Variants in CNTNAP3 observed in about 807,000 individuals in gnomAD.
The protein encoded by CNTNAP3 is contactin-associated protein-like 3.
A neutral mutation model predicts 92.1 loss-of-function variants in CNTNAP3; 36 were observed. The ratio of observed to expected loss-of-function variants is 0.39; its 90% CI spans 0.30 to 0.52. The LOEUF (loss-of-function observed/expected upper bound fraction) is 0.52, where lower values mean the gene tolerates loss of function less well. CNTNAP3 is among the 20% of genes least tolerant of loss of function. The pLI is 0.76. For missense variants in CNTNAP3, 534 were observed against 1,069.6 expected, an observed-to-expected ratio of 0.50 and a Z score of 6.98; for synonymous variants, 232 against 422.3, an observed-to-expected ratio of 0.55 and a Z score of 5.53.
In CNTNAP3 at chr9:39,144,228, C is replaced by A. The variant is rs1692973; in HGVS notation, c.1756+12G>T. The A allele has an allele frequency of 1.1e-3, 1,696 of 1,589,504 alleles. 29 individuals are homozygous for A. The East Asian group carries it at 0.018, about 17-fold the overall frequency. On this transcript the variant is annotated intron_variant, in intron 11 of 23. Transcript: ENST00000297668. ...GATGCTGACAGAAACGAGAGGGAGG[C>A]GTGAGGCTTACAGGAATGGCAGGTC...
intron 13 of CNTNAP3, among the ~76,000 whole-genome samples, chr9:39,125,567 C>A (rs919262603): frequency 2.6e-5 from 4 of 152,042 alleles, no homozygotes; most frequent in African/African-American, 9.7e-5. Context: ...ACCCATGATC[C>A]ACCTACATGT....
chr9:39,141,744 G>A (rs1022448433), intron 11 of CNTNAP3, among the ~76,000 whole-genome samples: 1 of 151,924 alleles, frequency 6.6e-6, no homozygotes, highest in Non-Finnish European at 1.5e-5. Context: ...TTAAATATAG[G>A]GCACAGACTA....
intron 12 of CNTNAP3, among the ~76,000 whole-genome samples, chr9:39,136,163 TAAA>T (rs1369396098): frequency 6.4e-5 from 9 of 141,420 alleles, no homozygotes; most frequent in African/African-American, 2.3e-4. Flanking sequence ...ATAATAATAA[TAAA>T]AATAATAGTT....
Position 39,085,984 on chromosome 9 carries a change from A to G in CNTNAP3, c.3355-161T>C, listed in dbSNP as rs3011117. On this transcript the variant is annotated intron_variant, in intron 20 of 23. Transcript: ENST00000297668. The stretch of plus-strand genomic sequence containing the variant: ...TTCAAATAATTAATCATTTAGAAAG[A>G]GAAGCTATTTTATAAGCAATTCCTA... 4.8e-3 allele frequency: 3,544 copies of G among 744,654 alleles called. 104 individuals carry two copies. In the African/African-American group the frequency reaches 0.056, roughly 12 times the overall value. 46.1% of individuals were successfully genotyped at this position (744,654 alleles called of 1,614,324 possible).
intron 14 of CNTNAP3, among the ~76,000 whole-genome samples, chr9:39,116,173 G>A (rs76813671): frequency 0.021 from 3,155 of 150,668 alleles, 63 homozygotes; most frequent in East Asian, 0.1. Flanking sequence ...AAAACAAAAC[G>A]GTTAACATTC....
chr9:39,085,930 G>T, intron 20 of CNTNAP3, 107 bp from the exon 21 acceptor site: 2 of 1,085,494 alleles, frequency 1.8e-6, no homozygotes, highest in Non-Finnish European at 2.8e-6. Flanking sequence ...TCACTTTTAA[G>T]TACCATTACA....
At position 39,118,173 on chromosome 9, in the gene CNTNAP3, T is replaced by A. The variant is rs199721374; in HGVS notation, c.2167A>T (p.Thr723Ser). ...GGSLPDAQKC[T>S]CGLEGNCIDS... ...ATGCAGTTCCCCTCTAATCCACAAG[T>A]ACACTTTTGAGCATCAGGCAGAGAA... Residue 723 changes from threonine to serine, a missense_variant, in exon 14 of 24, where the codon ACT becomes TCT. Coordinates refer to ENST00000297668, the MANE Select transcript of CNTNAP3 (RefSeq NM_033655.5). 2.9e-5 allele frequency: 47 copies of A among 1,611,690 alleles called. No individual in the cohort carries two copies. In the East Asian group the frequency reaches 6.0e-4, roughly 21 times the overall value.
At chr9:39,091,303 A>C (rs947863456) in intron 18 of CNTNAP3, among the ~76,000 whole-genome samples, 1 of 152,156 alleles carries the variant, frequency 6.6e-6, no homozygotes, top group Admixed American at 6.5e-5. Flanking sequence ...CAGTCTTTAA[A>C]ACTAAATATA....
intron 9 of CNTNAP3, among the ~76,000 whole-genome samples, 153 bp from the exon 10 acceptor site, chr9:39,150,130 A>C (rs1821808428): frequency 1.3e-5 from 2 of 152,020 alleles, no homozygotes; most frequent in African/African-American, 4.8e-5. Context: ...AGAAGGGGCA[A>C]GGTTAGAACT....
At chr9:39,126,147 G>A (rs1206781430) in intron 13 of CNTNAP3, among the ~76,000 whole-genome samples, 5 of 152,004 alleles carry the variant, frequency 3.3e-5, no homozygotes, top group Non-Finnish European at 7.4e-5. Flanking sequence ...ATCACAAAAG[G>A]CATGTTCTTG....
rs1822407072 is a variant in CNTNAP3, at chr9:39,179,338, C to CACACAA, written c.539-979_539-978insTTGTGT. On this transcript the variant is annotated intron_variant, in intron 4 of 23. Coordinates refer to ENST00000297668, the MANE Select transcript of CNTNAP3 (RefSeq NM_033655.5). The stretch of plus-strand genomic sequence containing the variant: ...ACACACACACACACACACACACACA[C>CACACAA]ACAGGCACACAGACATCCTATTGGT... 1.7e-5 allele frequency among the ~76,000 whole-genome samples: 2 copies of CACACAA among 115,128 alleles called. 1 individual carries two copies. The highest frequency in any genetic ancestry group is 3.5e-5 in the Non-Finnish European group (2 of 57,626). The allele number at this position is 115,128 out of a possible 152,430, so 75.5% of individuals were successfully genotyped here.
At chr9:39,100,238 A>C in intron 17 of CNTNAP3, 88 bp from the exon 18 acceptor site, 1 of 1,496,724 alleles carries the variant, frequency 6.7e-7, no homozygotes, top group Non-Finnish European at 9.0e-7. Flanking sequence ...CCTTATGGAG[A>C]GTGGCAATAA....
chr9:39,101,237 A>G (rs991186281), intron 17 of CNTNAP3, among the ~76,000 whole-genome samples: 1 of 150,932 alleles, frequency 6.6e-6, no homozygotes, highest in Non-Finnish European at 1.5e-5. Flanking sequence ...AAGTCATGGT[A>G]TAACACCCCA....
Position 39,140,519 on chromosome 9 carries a change from C to T in CNTNAP3, c.1876G>A (p.Ala626Thr). ...ATGCATATAACGATTATCAACATAC[C>T]TGTCATATTGCAGTACACAAGAAAT... ...GPFLVYCNMT[A>T]DAAWTVVQHG... Residue 626 changes from alanine (A) to threonine (T), a missense_variant and splice_region_variant, in exon 12 of 24, where the codon GCA becomes ACA. Coordinates refer to ENST00000297668, the MANE Select transcript of CNTNAP3 (RefSeq NM_033655.5). 1 of 1,613,458 alleles carries T rather than the reference C, an allele frequency of 6.2e-7. No homozygotes were observed. The highest frequency in any genetic ancestry group is 8.5e-7 in the Non-Finnish European group (1 of 1,179,674).
rs1825584776 is a variant in CNTNAP3 at position 39,069,296 on chromosome 9, A to T, written c.*4594T>A. Among the ~76,000 whole-genome samples, 1 of 152,192 alleles carries T rather than the reference A, an allele frequency of 6.6e-6. No individual in the cohort carries two copies. Among genetic ancestry groups the T allele is most frequent in the African/African-American group, 2.4e-5 (1 of 41,444 alleles). On this transcript the variant is annotated 3_prime_UTR_variant, in exon 24 of 24. Transcript: ENST00000297668. ...ATTTTGCAAAAATGGGGACAATTAT[A>T]TGTTTTACCTCATTGGCTTGCTTAA...
chr9:39,092,497 G>A (rs530482278), intron 18 of CNTNAP3, among the ~76,000 whole-genome samples: 4 of 132,590 alleles, frequency 3.0e-5, no homozygotes, highest in Admixed American at 7.3e-5. Flanking sequence ...TTTTGATTTC[G>A]GAGTGTATAG....
chr9:39,095,586 G>GT (rs1262353480), intron 18 of CNTNAP3, among the ~76,000 whole-genome samples: 1 of 143,772 alleles, frequency 7.0e-6, no homozygotes, highest in African/African-American at 2.5e-5. Context: ...AGATAATCAT[G>GT]TTTTTTTTCC....
At chr9:39,159,616 G>A (rs1822037136) in intron 9 of CNTNAP3, 1 of 139,602 alleles carries the variant, frequency 7.2e-6, no homozygotes, top group African/African-American at 2.8e-5. Context: ...ACAGGCGTGG[G>A]CCACCACGCC....
chr9:39,113,927 G>A (rs1426975043), intron 14 of CNTNAP3, among the ~76,000 whole-genome samples: 1 of 151,380 alleles, frequency 6.6e-6, no homozygotes, highest in East Asian at 1.9e-4. Flanking sequence ...TGTTTTGGGT[G>A]TCAATTTGCC....
Sources: gnomAD v4.1 joint callset for allele counts (sites outside exome capture counted in the v4.1 genomes callset) on GRCh38, gnomAD v4.1.1 for gene constraint, MANE v1.5 for transcripts, NCBI Gene and HGNC (gene_info 2026-07-23, HGNC 2026-07-21) for gene names.